The following MAP3K21 variants were observed in gnomAD, a reference collection of about 807,000 sequenced individuals.
MAP3K21 encodes mitogen-activated protein kinase kinase kinase MLK4.
In MAP3K21, 63 loss-of-function variants were observed where a neutral mutation model predicts 86.1. The ratio of observed to expected loss-of-function variants is 0.73; its 90% confidence interval spans 0.60 to 0.90. MAP3K21 has a LOEUF of 0.90. Among genes scored for constraint, MAP3K21 ranks in the 40% least tolerant of loss-of-function variants. MAP3K21 has a pLI of 0.00. For synonymous variants in MAP3K21, 558 were observed against 564.8 expected (o/e 0.99, Z 0.17); for missense variants, 1,220 against 1,367.7 (o/e 0.89, Z 1.70).
chr1:233,377,238 T>C (rs1663815485), intron 8 of MAP3K21, among the ~76,000 whole-genome samples: 1 of 152,222 alleles, frequency 6.6e-6, no homozygotes, highest in Admixed American at 6.5e-5. Flanking sequence ...TATTAAAAGA[T>C]TGAAGAGATG....
chr1:233,374,198 T>G (rs79050449), intron 6 of MAP3K21: 1 of 152,120 alleles, frequency 6.6e-6, no homozygotes, highest in African/African-American at 2.4e-5. Context: ...TTTTTTTTTT[T>G]GAAATGGAGT....
intron 2 of MAP3K21, among the ~76,000 whole-genome samples, chr1:233,346,948 T>C (rs995120219): frequency 2.0e-5 from 3 of 152,196 alleles, no homozygotes; most frequent in African/African-American, 7.2e-5. Flanking sequence ...CAATCATGGC[T>C]CATTGTAGCC....
Position 233,382,517 on chromosome 1 carries a change from T to C in MAP3K21, c.2917T>C (p.Cys973Arg). 2 of 1,614,196 alleles carry C rather than the reference T, an allele frequency of 1.2e-6. No homozygotes were observed. The highest frequency in any genetic ancestry group is 1.7e-6 in the Non-Finnish European group (2 of 1,180,036). The part of the protein sequence containing the change: ...TAVSQLAQTA[C>R]VVGRPGPHPT... ...AGTGTCTCAGCTGGCACAGACTGCC[T>C]GTGTAGTGGGTCGCCCAGGACCACA... Residue 973 changes from cysteine (C) to arginine (R), a missense_variant, in exon 10 of 10, where the codon TGT becomes CGT. Transcript: ENST00000366624.
chr1:233,374,390 G>A lies in MAP3K21; in HGVS notation c.1676-1526G>A, dbSNP rs1663747458. Among the ~76,000 whole-genome samples, 4 of 152,086 alleles carry A rather than the reference G, an allele frequency of 2.6e-5. No individual in the cohort carries two copies. The South Asian group carries it at 8.3e-4, about 32-fold the overall frequency. On this transcript the variant is annotated intron_variant, in intron 6 of 9. Coordinates refer to ENST00000366624, the MANE Select transcript of MAP3K21 (RefSeq NM_032435.3). ...GGAGTTTCACCACCTTGGCCAGGCTGGTCTTGAACTCCTGACCTCATGATC... is the reference window on the plus strand; with the variant it reads ...GGAGTTTCACCACCTTGGCCAGGCTAGTCTTGAACTCCTGACCTCATGATC...
intron 4 of MAP3K21, 74 bp downstream of exon 4, chr1:233,355,085 T>A: frequency 9.3e-7 from 1 of 1,075,694 alleles, no homozygotes; most frequent in South Asian, 1.6e-5. Flanking sequence ...CAAGAAGCAC[T>A]GTTAGCATTA....
At chr1:233,373,398 G>A (rs1663725136) in intron 6 of MAP3K21, 1 of 152,228 alleles carries the variant, frequency 6.6e-6, no homozygotes, top group African/African-American at 2.4e-5. Context: ...AAGTGGTACT[G>A]GGAAGGCCTG....
chr1:233,373,152 C>T (rs572617145), intron 6 of MAP3K21: 8 of 152,142 alleles, frequency 5.3e-5, no homozygotes, highest in Non-Finnish European at 8.8e-5. Context: ...TTTATTATAA[C>T]TGATTTGGTT....
At position 233,362,066 on chromosome 1, in the gene MAP3K21, G is replaced by A; in HGVS notation, c.1325G>A (p.Arg442Gln). Residue 442 changes from arginine to glutamine, a missense_variant, in exon 5 of 10, where the codon CGG (arginine) becomes CAG (glutamine). By Grantham distance (43) the Arg-to-Gln change is conservative (BLOSUM62 1). This residue lies in a region of MAP3K21 where 126 missense variants were observed against 127.7 expected (regional missense o/e 0.99). Coordinates refer to ENST00000366624, the MANE Select transcript of MAP3K21 (RefSeq NM_032435.3). Reference sequence around the variant, plus strand: ...TCTGTGTCGCAGGAGCTGCGATCCCGGGAAGAGGAGCTGACTCGGGCGGCT... The same window carrying A: ...TCTGTGTCGCAGGAGCTGCGATCCCAGGAAGAGGAGCTGACTCGGGCGGCT... ...LRTKEKELRS[R>Q]EEELTRAALQ... 2 of 1,612,170 alleles carry A rather than the reference G, an allele frequency of 1.2e-6. No homozygotes were observed. The highest frequency in any genetic ancestry group is 1.7e-6 in the Non-Finnish European group (2 of 1,179,138).
In MAP3K21 at chr1:233,362,040, A is replaced by C; in HGVS notation, c.1312-13A>C. On this transcript the variant is annotated splice_polypyrimidine_tract_variant and intron_variant, in intron 4 of 9. Transcript: ENST00000366624. ...CTGGGAATGATTCCGGTGGGTGTGA[A>C]TCTGTGTCGCAGGAGCTGCGATCCC... is the stretch of plus-strand genomic sequence containing the variant. 1 of 1,609,920 alleles carries C rather than the reference A, an allele frequency of 6.2e-7. No homozygotes were observed. Among genetic ancestry groups the C allele is most frequent in the Non-Finnish European group, 8.5e-7 (1 of 1,178,316 alleles).
rs1663959885 is a variant in MAP3K21, at chr1:233,383,683, A to G, written c.*972A>G. On this transcript the variant is annotated 3_prime_UTR_variant, in exon 10 of 10. Coordinates refer to ENST00000366624, the MANE Select transcript of MAP3K21 (RefSeq NM_032435.3). The stretch of plus-strand genomic sequence containing the variant: ...CATGTGTCTTAATTTTATTTTCTCT[A>G]TTTGAGTGCATAATTATCCTAATAA... 1.3e-5 allele frequency: 2 copies of G among 152,148 alleles called. No homozygotes were observed. Among genetic ancestry groups the G allele is most frequent in the Non-Finnish European group, 2.9e-5 (2 of 68,022 alleles). 9.4% of individuals were successfully genotyped at this position (152,148 alleles called of 1,614,324 possible).
chr1:233,369,220 CAAAAAAAAAAA>C (rs35461412), intron 5 of MAP3K21, among the ~76,000 whole-genome samples: 1 of 105,640 alleles, frequency 9.5e-6, no homozygotes, highest in African/African-American at 3.6e-5. Flanking sequence ...TAGTAAAATA[CAAAAAAAAAAA>C]AAAAAAAAAT....
In MAP3K21 at chr1:233,334,963, C is replaced by CTTTTT. The variant is rs10640127; in HGVS notation, c.805+6138_805+6142dup. On this transcript the variant is annotated intron_variant, in intron 1 of 9. Transcript: ENST00000366624. Reference sequence around the variant, plus strand: ...CATTTTCTCTCTGATTTCTTTCTTTCTTTTTTTTTTTTATTATACTTTAAG... The same window carrying CTTTTT: ...CATTTTCTCTCTGATTTCTTTCTTTCTTTTTTTTTTTTTTTTTATTATACTTTAAG... Among the ~76,000 whole-genome samples, 29 of 146,648 alleles carry CTTTTT rather than the reference C, an allele frequency of 2.0e-4. No homozygotes were observed. The East Asian group carries it at 4.1e-3, about 21-fold the overall frequency.
rs149965923 is a variant in MAP3K21, at chr1:233,372,085, C to A, written c.1600C>A (p.Arg534=). The change falls in exon 6 of 10, where the codon CGG becomes AGG. Residue 534 remains arginine, a synonymous_variant. Transcript: ENST00000366624. The part of the protein sequence containing the change: ...TVQASPNLDK[R]RSLNSSSSSP... ...GCAGGCCTCTCCCAACTTGGACAAA[C>A]GGCGGAGCCTGAACAGCAGCAGTTC... 5 of 1,614,110 alleles carry A rather than the reference C, an allele frequency of 3.1e-6. No homozygotes were observed. Among genetic ancestry groups the A allele is most frequent in the East Asian group, 4.5e-5 (2 of 44,886 alleles).
chr1:233,361,000 T>C (rs566659481), intron 4 of MAP3K21, among the ~76,000 whole-genome samples: 1 of 152,316 alleles, frequency 6.6e-6, no homozygotes, highest in Non-Finnish European at 1.5e-5. Flanking sequence ...TCTGGAACAG[T>C]GTAAATAAAA....
chr1:233,359,789 C>T (rs561312042), intron 4 of MAP3K21, among the ~76,000 whole-genome samples: 1 of 152,228 alleles, frequency 6.6e-6, no homozygotes, highest in African/African-American at 2.4e-5. Flanking sequence ...GTAATCTCAT[C>T]AACCGAAAGA....
chr1:233,377,369 A>G (rs1304805145), intron 8 of MAP3K21, among the ~76,000 whole-genome samples: 1 of 152,190 alleles, frequency 6.6e-6, no homozygotes, highest in East Asian at 1.9e-4. Context: ...TTAGCAAGAC[A>G]CAATGTAAAT....
At chr1:233,354,730 T>C in intron 3 of MAP3K21, 106 bp from the exon 4 acceptor site, 1 of 914,784 alleles carries the variant, frequency 1.1e-6, no homozygotes. Flanking sequence ...AGCTTCCAGT[T>C]TGGAATGACA....
chr1:233,383,464 A>G lies in MAP3K21; in HGVS notation c.*753A>G, dbSNP rs190945197. ...AGATGTTCAAAGTTCAGTCCTTGCC[A>G]TTTGACTGAGACCACATGGTGTGCC... On this transcript the variant is annotated 3_prime_UTR_variant, in exon 10 of 10. Coordinates refer to ENST00000366624, the MANE Select transcript of MAP3K21 (RefSeq NM_032435.3). The G allele has an allele frequency of 2.0e-5, 3 of 152,028 alleles. No homozygotes were observed. The highest frequency in any genetic ancestry group is 4.4e-5 in the Non-Finnish European group (3 of 67,956). The allele number at this position is 152,028 out of a possible 1,614,324, so 9.4% of individuals were successfully genotyped here.
intron 5 of MAP3K21, 77 bp downstream of exon 5, chr1:233,362,370 C>T: frequency 6.6e-7 from 1 of 1,504,644 alleles, no homozygotes; most frequent in South Asian, 1.2e-5. Flanking sequence ...TCATCAGAAC[C>T]AGGAAAGAGA....
Sources: gnomAD v4.1 joint callset for allele counts (sites outside exome capture counted in the v4.1 genomes callset) on GRCh38, gnomAD v4.1.1 for gene constraint, gnomAD v4.1.1 regional missense constraint, MANE v1.5 for transcripts, NCBI Gene and HGNC (gene_info 2026-07-23, HGNC 2026-07-21) for gene names.